SYNJ2: variants seen among roughly 807,000 people sequenced by gnomAD.
SYNJ2 encodes the protein synaptojanin 2, also known as polyphosphatidylinositol phosphatase SYNJ2.
A neutral mutation model predicts 141.3 loss-of-function variants in SYNJ2; 116 were observed. The observed-to-expected ratio is 0.82, with a 90% CI of 0.71 to 0.96. SYNJ2 has a LOEUF of 0.96. SYNJ2 is among the 40% of genes least tolerant of loss of function. SYNJ2 has a pLI of 0.00. For missense variants in SYNJ2, 1,873 were observed against 1,934.8 expected (o/e 0.97, Z 0.60); for synonymous variants, 745 against 777.7 (o/e 0.96, Z 0.70).
In SYNJ2 at chr6:158,065,004, G is replaced by A. The variant is rs369844126; in HGVS notation, c.1525+13G>A. The A allele has an allele frequency of 4.1e-5, 63 of 1,534,282 alleles. No homozygotes were observed. Among genetic ancestry groups the A allele is most frequent in the African/African-American group, 5.5e-5 (4 of 73,364 alleles). On this transcript the variant is annotated intron_variant, in intron 11 of 26. Transcript: ENST00000355585. ...ACGGCGCTCCTGGGTAGGGCCTGCCGCAGACAGGGCGAGGCAGGGAGGTAG... is the reference window on the plus strand; with the variant it reads ...ACGGCGCTCCTGGGTAGGGCCTGCCACAGACAGGGCGAGGCAGGGAGGTAG...
At position 157,989,396 on chromosome 6, in the gene SYNJ2, C is replaced by A. The variant is rs144614274; in HGVS notation, c.127+7308C>A. 9.0e-4 allele frequency among the ~76,000 whole-genome samples: 125 copies of A among 139,258 alleles called. 1 individual carries two copies. The highest frequency in any genetic ancestry group is 3.1e-3 in the African/African-American group (117 of 38,034). 91.4% of individuals were successfully genotyped at this position (139,258 alleles called of 152,430 possible). A position where few individuals can be genotyped will look rare whatever the true frequency, so the allele number is the denominator to read the frequency against. On this transcript the variant is annotated intron_variant, in intron 1 of 26. Transcript: ENST00000355585. ...GGAAGGCTCCAGAGAACAATATGTT[C>A]AGTAAAATCTCATTCTTATGTAAAA...
intron 3 of SYNJ2, among the ~76,000 whole-genome samples, chr6:158,031,567 G>A (rs531086827): frequency 3.3e-5 from 5 of 152,350 alleles, no homozygotes; most frequent in Admixed American, 6.5e-5. Context: ...GAGTCACCAC[G>A]GGCAGTGTGG....
rs1490912690 is a variant in SYNJ2, at chr6:158,070,688, G to C, written c.1941-914G>C. ...GTCATCCCCCCAACCTTGTCTGCCA[G>C]CGAGCAGATGCACCAGCAGGCCTCA... On this transcript the variant is annotated intron_variant, in intron 14 of 26. Coordinates refer to ENST00000355585, the MANE Select transcript of SYNJ2 (RefSeq NM_003898.4). The surrounding 1 kb of genome is among the most constrained non-coding windows in gnomAD (Gnocchi z 4.0). Among the ~76,000 whole-genome samples, 1 of 152,104 alleles carries C rather than the reference G, an allele frequency of 6.6e-6. No individual in the cohort carries two copies. The highest frequency in any genetic ancestry group is 1.9e-4 in the East Asian group (1 of 5,144).
chr6:158,062,370 G>A, intron 8 of SYNJ2: 1 of 406,942 alleles, frequency 2.5e-6, no homozygotes, highest in Non-Finnish European at 3.3e-6. Context: ...GGCGACGCCG[G>A]GAATCTTGGG....
In SYNJ2 at chr6:157,981,899, C is replaced by T; in HGVS notation, c.-63C>T. 3 of 1,208,392 alleles carry T rather than the reference C, an allele frequency of 2.5e-6. No individual in the cohort carries two copies. The highest frequency in any genetic ancestry group is 2.1e-6 in the Non-Finnish European group (2 of 969,216). 74.9% of individuals were successfully genotyped at this position (1,208,392 alleles called of 1,614,324 possible). On this transcript the variant is annotated 5_prime_UTR_variant, in exon 1 of 27. Coordinates refer to ENST00000355585, the MANE Select transcript of SYNJ2 (RefSeq NM_003898.4). This position sits in a 1 kb window ranked among gnomAD's most constrained non-coding sequence, Gnocchi z 6.4. Reference sequence around the variant, plus strand: ...AAGTTGCGGGCGCGCGGGGAGCTGTCGCGGGCAGCGCGCCCTCGGGAGGAC... The same window carrying T: ...AAGTTGCGGGCGCGCGGGGAGCTGTTGCGGGCAGCGCGCCCTCGGGAGGAC...
intron 2 of SYNJ2, among the ~76,000 whole-genome samples, chr6:158,026,485 G>C (rs1205490602): frequency 6.6e-6 from 1 of 152,068 alleles, no homozygotes; most frequent in Non-Finnish European, 1.5e-5. Flanking sequence ...CCAGATACCG[G>C]CTCTCCTCAC....
intron 6 of SYNJ2, among the ~76,000 whole-genome samples, chr6:158,056,581 G>A (rs960848108): frequency 6.6e-6 from 1 of 152,164 alleles, no homozygotes; most frequent in Non-Finnish European, 1.5e-5. Context: ...TGGAAATAAG[G>A]TGACATGTCT....
intron 9 of SYNJ2, 29 bp downstream of exon 9, chr6:158,063,901 A>G (rs1562372217): frequency 2.5e-6 from 4 of 1,611,654 alleles, no homozygotes; most frequent in Non-Finnish European, 3.4e-6. Context: ...CTTTTCGGCC[A>G]TCTGTGCCAG....
At chr6:157,992,618 G>A (rs549742065) in intron 1 of SYNJ2, among the ~76,000 whole-genome samples, 15 of 151,994 alleles carry the variant, frequency 9.9e-5, no homozygotes, top group African/African-American at 3.4e-4. Context: ...GGCTGGTCTC[G>A]AACTCCTGAC....
chr6:157,989,427 A>AATATATATATATAT (rs34948131), intron 1 of SYNJ2, among the ~76,000 whole-genome samples: 60 of 96,290 alleles, frequency 6.2e-4, no homozygotes, highest in South Asian at 8.6e-4. Context: ...TAAAAAAATG[A>AATATATATATATAT]ATATATATAT....
chr6:158,087,132 G>C (rs1418112892), intron 23 of SYNJ2, 143 bp downstream of exon 23: 3 of 990,072 alleles, frequency 3.0e-6, no homozygotes, highest in Non-Finnish European at 4.4e-6. Context: ...GCTCCGTTTT[G>C]TTGTAAATCC....
At chr6:158,048,347 T>C (rs1315452763) in intron 5 of SYNJ2, among the ~76,000 whole-genome samples, 2 of 152,168 alleles carry the variant, frequency 1.3e-5, no homozygotes, top group African/African-American at 2.4e-5. Context: ...GCAGGTGTTG[T>C]AACCCTTGGG....
Position 158,097,195 on chromosome 6 carries a change from G to T in SYNJ2, c.*831G>T, listed in dbSNP as rs1305018681. On this transcript the variant is annotated 3_prime_UTR_variant, in exon 27 of 27. Transcript: ENST00000355585. ...TATATTCCATGCATACCACATAAAA[G>T]CACACAGTGCGAAAACTCTTGCTGA... 2.0e-5 allele frequency: 3 copies of T among 152,160 alleles called. No homozygotes were observed. Among genetic ancestry groups the T allele is most frequent in the Non-Finnish European group, 4.4e-5 (3 of 68,032 alleles). The allele number at this position is 152,160 out of a possible 1,614,324, so 9.4% of individuals were successfully genotyped here. A position where few individuals can be genotyped will look rare whatever the true frequency, so the allele number is the denominator to read the frequency against.
rs1777041389 is a variant in SYNJ2 at position 157,982,233 on chromosome 6, C to G, written c.127+145C>G. 2 of 1,118,802 alleles carry G rather than the reference C, an allele frequency of 1.8e-6. No homozygotes were observed. Among genetic ancestry groups the G allele is most frequent in the Non-Finnish European group, 2.3e-6 (2 of 881,220 alleles). The allele number at this position is 1,118,802 out of a possible 1,614,324, so 69.3% of individuals were successfully genotyped here. A position where few individuals can be genotyped will look rare whatever the true frequency, so the allele number is the denominator to read the frequency against. ...GTAGGGGTCGCGCGCAGAGGGGTGGCTGTTTGAATGAAGTGGGGCTGGGGA... is the reference window on the plus strand; with the variant it reads ...GTAGGGGTCGCGCGCAGAGGGGTGGGTGTTTGAATGAAGTGGGGCTGGGGA... On this transcript the variant is annotated intron_variant, in intron 1 of 26. Transcript: ENST00000355585. This position sits in a 1 kb window ranked among gnomAD's most constrained non-coding sequence, Gnocchi z 4.0.
At chr6:158,077,988 T>G (rs1025518571) in intron 17 of SYNJ2, 176 bp from the exon 18 acceptor site, 3 of 569,410 alleles carry the variant, frequency 5.3e-6, no homozygotes, top group Non-Finnish European at 9.5e-6. Context: ...GGAATGTTTT[T>G]AACCAAAGGC....
rs58914911 is a variant in SYNJ2 at position 158,097,843 on chromosome 6, TAAAA to T, written c.*1487_*1490del. ...CTGAAAACTAATACCTGGAAAAGGA[TAAAA>T]AAAAAAAGGAATCCGTGACCCACAG... On this transcript the variant is annotated 3_prime_UTR_variant, in exon 27 of 27. Transcript: ENST00000355585. 1 of 147,784 alleles carries T rather than the reference TAAAA, an allele frequency of 6.8e-6. No homozygotes were observed. Among genetic ancestry groups the T allele is most frequent in the African/African-American group, 2.5e-5 (1 of 40,282 alleles). The allele number at this position is 147,784 out of a possible 1,614,324, so 9.2% of individuals were successfully genotyped here. A position where few individuals can be genotyped will look rare whatever the true frequency, so the allele number is the denominator to read the frequency against.
At position 158,043,269 on chromosome 6, in the gene SYNJ2, G is replaced by A. The variant is rs758112359; in HGVS notation, c.712-47G>A. 3.4e-5 allele frequency: 53 copies of A among 1,560,716 alleles called. No homozygotes were observed. Among genetic ancestry groups the A allele is most frequent in the South Asian group, 4.5e-5 (4 of 89,430 alleles). On this transcript the variant is annotated intron_variant, in intron 4 of 26. Coordinates refer to ENST00000355585, the MANE Select transcript of SYNJ2 (RefSeq NM_003898.4). This position sits in a 1 kb window ranked among gnomAD's most constrained non-coding sequence, Gnocchi z 4.0. ...TCCCGTTACCCAGCCCAGGACGTTC[G>A]GTTTCATTGAAGAATACCTTTCCCT...
rs1346935255 is a variant in SYNJ2, at chr6:158,016,926, C to G, written c.128-278C>G. On this transcript the variant is annotated intron_variant, in intron 1 of 26. Coordinates refer to ENST00000355585, the MANE Select transcript of SYNJ2 (RefSeq NM_003898.4). ...GGGCCAGGCCCCAGGTGCCTGCCCCCAGCTGGACGCCAGAACCCCAGGACC... is the reference window on the plus strand; with the variant it reads ...GGGCCAGGCCCCAGGTGCCTGCCCCGAGCTGGACGCCAGAACCCCAGGACC... 2.8e-6 allele frequency: 3 copies of G among 1,077,506 alleles called. No individual in the cohort carries two copies. The African/African-American group carries it at 4.9e-5, about 18-fold the overall frequency. 66.7% of individuals were successfully genotyped at this position (1,077,506 alleles called of 1,614,324 possible).
rs139559017 is a variant in SYNJ2 at position 158,038,789 on chromosome 6, C to A, written c.712-4527C>A. The stretch of plus-strand genomic sequence containing the variant: ...CTGCCGCCCTTCCAGGTGGTACTTC[C>A]GATAGGTGGTGTTCGGCTGGTGACC... On this transcript the variant is annotated intron_variant, in intron 4 of 26. Transcript: ENST00000355585. 8.2e-4 allele frequency among the ~76,000 whole-genome samples: 125 copies of A among 152,316 alleles called. 1 individual carries two copies. Among genetic ancestry groups the A allele is most frequent in the African/African-American group, 2.8e-3 (115 of 41,560 alleles).
Sources: gnomAD v4.1 joint callset for allele counts (sites outside exome capture counted in the v4.1 genomes callset) on GRCh38, gnomAD v4.1.1 for gene constraint, Gnocchi (gnomAD v3.1) non-coding constraint, MANE v1.5 for transcripts, NCBI Gene and HGNC (gene_info 2026-07-23, HGNC 2026-07-21) for gene names.